Variants in PLD5 observed in about 807,000 individuals in gnomAD.
The protein encoded by PLD5 is inactive phospholipase D5.
A neutral mutation model predicts 61.1 loss-of-function variants in PLD5; 36 were observed. The ratio of observed to expected loss-of-function variants is 0.59; its 90% CI spans 0.45 to 0.78. PLD5 has a LOEUF of 0.78. Among genes scored for constraint, PLD5 ranks in the 30% least tolerant of loss-of-function variants. PLD5 has a pLI of 0.00. For missense variants in PLD5, 515 were observed against 644.4 expected (o/e 0.80, Z 2.17); for synonymous variants, 243 against 242.8 (o/e 1.00, Z -0.01).
At chr1:242,414,889 G>A (rs1664738688) in intron 1 of PLD5, among the ~76,000 whole-genome samples, 1 of 152,106 alleles carries the variant, frequency 6.6e-6, no homozygotes, top group South Asian at 2.1e-4. Context: ...ACAGATGAAG[G>A]GGTTGGTAAA....
Position 242,380,040 on chromosome 1 carries a change from C to T in PLD5, c.190-31798G>A, listed in dbSNP as rs1485850323. Among the ~76,000 whole-genome samples, 3 of 152,276 alleles carry T rather than the reference C, an allele frequency of 2.0e-5. No individual in the cohort carries two copies. In the East Asian group the frequency reaches 5.8e-4, roughly 29 times the overall value. On this transcript the variant is annotated intron_variant, in intron 1 of 9. Transcript: ENST00000536534. Reference sequence around the variant, plus strand: ...TTTAGCCTAAGAACAAGTGTATTATCTGTGATTTTCATGAGGACACTTTAG... The same window carrying T: ...TTTAGCCTAAGAACAAGTGTATTATTTGTGATTTTCATGAGGACACTTTAG...
intron 2 of PLD5, among the ~76,000 whole-genome samples, chr1:242,320,832 G>T (rs1263649879): frequency 1.3e-5 from 2 of 152,224 alleles, no homozygotes; most frequent in African/African-American, 2.4e-5. Flanking sequence ...ATTGATTTGG[G>T]GTGGGGCCTG....
chr1:242,106,702 A>C (rs149230706), intron 8 of PLD5, among the ~76,000 whole-genome samples: 41 of 152,296 alleles, frequency 2.7e-4, no homozygotes, highest in African/African-American at 9.6e-4. Flanking sequence ...CATGTGTCAA[A>C]GTTAATTGCG....
chr1:242,459,395 AT>A (rs2102935038), intron 1 of PLD5, among the ~76,000 whole-genome samples: 1 of 152,338 alleles, frequency 6.6e-6, no homozygotes, highest in South Asian at 2.1e-4. Context: ...TCTTAACCCC[AT>A]TCAATGGGTA....
intron 5 of PLD5, chr1:242,208,954 G>A (rs1237719706): frequency 6.6e-6 from 1 of 152,184 alleles, no homozygotes; most frequent in Non-Finnish European, 1.5e-5. Flanking sequence ...CCAGATTCTT[G>A]TGACCAATAA....
chr1:242,306,788 CACA>C (rs1558449174), intron 2 of PLD5, among the ~76,000 whole-genome samples: 43 of 44,202 alleles, frequency 9.7e-4, no homozygotes, highest in African/African-American at 3.5e-3. Context: ...CACACACACA[CACA>C]CCCCACTTAC....
intron 5 of PLD5, among the ~76,000 whole-genome samples, chr1:242,141,128 C>T (rs966583824): frequency 6.6e-5 from 10 of 152,130 alleles, no homozygotes; most frequent in Admixed American, 6.6e-4. Context: ...GAACAGCTGG[C>T]TCCTTCCTTT....
At chr1:242,093,808 G>A (rs1660024010) in intron 9 of PLD5, among the ~76,000 whole-genome samples, 1 of 151,980 alleles carries the variant, frequency 6.6e-6, no homozygotes, top group Non-Finnish European at 1.5e-5. Flanking sequence ...ATGCTTCGGG[G>A]GCAGCCTGGG....
intron 1 of PLD5, among the ~76,000 whole-genome samples, chr1:242,493,463 T>A (rs1443717304): frequency 6.6e-6 from 1 of 152,058 alleles, no homozygotes; most frequent in Admixed American, 6.5e-5. Context: ...AGAGGGAAAT[T>A]TTCATGTTGC....
At chr1:242,359,184 C>T (rs1660930704) in intron 1 of PLD5, among the ~76,000 whole-genome samples, 1 of 152,162 alleles carries the variant, frequency 6.6e-6, no homozygotes, top group Non-Finnish European at 1.5e-5. Flanking sequence ...TTCGTTGTGA[C>T]CCCAGGTGAT....
chr1:242,329,964 T>G (rs1659070622), intron 2 of PLD5, among the ~76,000 whole-genome samples: 1 of 152,204 alleles, frequency 6.6e-6, no homozygotes, highest in African/African-American at 2.4e-5. Flanking sequence ...TTCCTGCCAC[T>G]AACTCTCCAT....
chr1:242,096,995 C>T (rs1393608685), intron 9 of PLD5, among the ~76,000 whole-genome samples: 11 of 150,046 alleles, frequency 7.3e-5, no homozygotes, highest in South Asian at 6.3e-4. Flanking sequence ...TGAGAACATG[C>T]GGTGTTTGGT....
At chr1:242,438,896 A>G (rs906424584) in intron 1 of PLD5, among the ~76,000 whole-genome samples, 1 of 152,180 alleles carries the variant, frequency 6.6e-6, no homozygotes, top group Non-Finnish European at 1.5e-5. Context: ...GTCAAAACCT[A>G]TGCTTTATTC....
chr1:242,109,726 T>C (rs2148692219), intron 7 of PLD5, among the ~76,000 whole-genome samples: 2 of 152,210 alleles, frequency 1.3e-5, no homozygotes, highest in South Asian at 4.2e-4. Flanking sequence ...TCAAGAAATT[T>C]TTGTGGGGAA....
intron 1 of PLD5, among the ~76,000 whole-genome samples, chr1:242,414,727 C>A (rs1159753448): frequency 6.6e-6 from 1 of 152,110 alleles, no homozygotes; most frequent in East Asian, 1.9e-4. Context: ...GGAGAATTTT[C>A]TCACTGTGAC....
chr1:242,523,008 G>A (rs1310247763), intron 1 of PLD5, among the ~76,000 whole-genome samples: 1 of 152,164 alleles, frequency 6.6e-6, no homozygotes, highest in Non-Finnish European at 1.5e-5. Context: ...CTGGGAAGAA[G>A]CCTGTTGGTG....
chr1:242,315,389 T>C (rs1298087999), intron 2 of PLD5, among the ~76,000 whole-genome samples: 2 of 152,206 alleles, frequency 1.3e-5, no homozygotes, highest in Non-Finnish European at 2.9e-5. Context: ...TAGATATATT[T>C]AGTGTGTCAA....
intron 1 of PLD5, among the ~76,000 whole-genome samples, chr1:242,389,444 A>T (rs1662792048): frequency 6.6e-6 from 1 of 151,858 alleles, no homozygotes; most frequent in Non-Finnish European, 1.5e-5. Flanking sequence ...CTTCCAAAGG[A>T]CTCTGTTTAG....
At chr1:242,356,616 GTA>G (rs1660765461) in intron 1 of PLD5, among the ~76,000 whole-genome samples, 1 of 151,668 alleles carries the variant, frequency 6.6e-6, no homozygotes, top group Non-Finnish European at 1.5e-5. Flanking sequence ...TGGTTGTTTT[GTA>G]GTTACTTTCT....
Sources: gnomAD v4.1 joint callset for allele counts (sites outside exome capture counted in the v4.1 genomes callset) on GRCh38, gnomAD v4.1.1 for gene constraint, MANE v1.5 for transcripts, NCBI Gene and HGNC (gene_info 2026-07-23, HGNC 2026-07-21) for gene names.